IRAK2: variants seen among roughly 807,000 people sequenced by gnomAD.
IRAK2 encodes the protein interleukin 1 receptor associated kinase 2.
IRAK2 carries 57 observed loss-of-function variants against 72.0 expected under a neutral mutation model. The observed-to-expected ratio is 0.79, with a 90% CI of 0.64 to 0.99. IRAK2 has a LOEUF of 0.99. IRAK2 is among the 50% of genes least tolerant of loss of function. IRAK2 has a pLI of 0.00. For synonymous variants in IRAK2, 293 were observed against 312.7 expected (o/e 0.94, Z 0.67); for missense variants, 790 against 794.4 (o/e 0.99, Z 0.07).
At chr3:10,202,929 A>C (rs1697383759) in intron 3 of IRAK2, among the ~76,000 whole-genome samples, 1 of 151,818 alleles carries the variant, frequency 6.6e-6, no homozygotes, top group African/African-American at 2.4e-5. Flanking sequence ...GGATCAAGCG[A>C]TTCTCCCACC....
chr3:10,194,826 C>T (rs931464155), intron 2 of IRAK2, among the ~76,000 whole-genome samples: 2 of 152,148 alleles, frequency 1.3e-5, no homozygotes, highest in African/African-American at 4.8e-5. Context: ...AAACTCAAAG[C>T]TTGAGAAGAT....
intron 1 of IRAK2, among the ~76,000 whole-genome samples, chr3:10,166,389 AGAGGGCCATGGACTCTGCGGG>A (rs1696689565): frequency 6.6e-6 from 1 of 152,182 alleles, no homozygotes; most frequent in Admixed American, 6.6e-5. Context: ...TGACTGGCGG[AGAGGGCCATGGACTCTGCGGG>A]GAGGCCGCTT....
chr3:10,187,163 G>C (rs9849491), intron 2 of IRAK2, among the ~76,000 whole-genome samples: 45,527 of 151,244 alleles, frequency 0.3, 8,078 homozygotes, highest in Non-Finnish European at 0.39. Flanking sequence ...ACTATTTTCA[G>C]TCCCTCTATA....
intron 1 of IRAK2, among the ~76,000 whole-genome samples, chr3:10,175,798 G>C (rs1363196057): frequency 1.3e-5 from 2 of 148,274 alleles, no homozygotes; most frequent in African/African-American, 5.0e-5. Flanking sequence ...GCTGAGGCCG[G>C]AGAATGGCCT....
intron 1 of IRAK2, among the ~76,000 whole-genome samples, chr3:10,169,350 G>C (rs1696755033): frequency 6.6e-6 from 1 of 152,192 alleles, no homozygotes; most frequent in African/African-American, 2.4e-5. Flanking sequence ...TAGTAAGCCT[G>C]AGGGCACTGC....
chr3:10,166,896 G>C (rs2125137874), intron 1 of IRAK2, among the ~76,000 whole-genome samples: 1 of 152,262 alleles, frequency 6.6e-6, no homozygotes, highest in African/African-American at 2.4e-5. Flanking sequence ...TGGCCGCTTT[G>C]GCCTCCCAAA....
At chr3:10,237,705 G>C (rs1459312210) in intron 11 of IRAK2, among the ~76,000 whole-genome samples, 2 of 151,496 alleles carry the variant, frequency 1.3e-5, no homozygotes, top group Non-Finnish European at 2.9e-5. Context: ...TACTCAGAAG[G>C]CTGAGGCAGG....
intron 6 of IRAK2, among the ~76,000 whole-genome samples, chr3:10,216,587 A>C (rs1032303288): frequency 2.6e-5 from 4 of 152,308 alleles, no homozygotes; most frequent in Non-Finnish European, 1.5e-5. Flanking sequence ...AAAGAACCCC[A>C]GTCCTAGAGT....
At chr3:10,226,735 T>C (rs1697782367) in intron 10 of IRAK2, among the ~76,000 whole-genome samples, 2 of 151,692 alleles carry the variant, frequency 1.3e-5, no homozygotes, top group Non-Finnish European at 2.9e-5. Context: ...CTGGCCAACA[T>C]GGTGAAACCC....
chr3:10,192,689 C>T (rs1697195479), intron 2 of IRAK2, among the ~76,000 whole-genome samples: 2 of 152,224 alleles, frequency 1.3e-5, no homozygotes, highest in African/African-American at 2.4e-5. Context: ...GAGGCCAAGG[C>T]GGACGGATCA....
chr3:10,227,914 C>A (rs1331621263), intron 10 of IRAK2, among the ~76,000 whole-genome samples: 1 of 151,978 alleles, frequency 6.6e-6, no homozygotes, highest in Non-Finnish European at 1.5e-5. Context: ...CGTGATCCGC[C>A]CGCCTCGGCC....
intron 2 of IRAK2, among the ~76,000 whole-genome samples, chr3:10,191,468 C>G (rs1202111461): frequency 6.6e-6 from 1 of 152,138 alleles, no homozygotes. Flanking sequence ...CCTACAAGGC[C>G]CTGCATGGTC....
intron 2 of IRAK2, among the ~76,000 whole-genome samples, chr3:10,192,168 G>C (rs771294605): frequency 2.6e-5 from 4 of 152,192 alleles, no homozygotes; most frequent in African/African-American, 4.8e-5. Context: ...GATAGAGCCA[G>C]CTGGCACGAG....
chr3:10,202,835 G>A (rs1216586246), intron 3 of IRAK2, among the ~76,000 whole-genome samples: 4 of 151,832 alleles, frequency 2.6e-5, no homozygotes, highest in Non-Finnish European at 5.9e-5. Context: ...GGGACTACAG[G>A]TGTACATCAC....
intron 6 of IRAK2, among the ~76,000 whole-genome samples, chr3:10,213,946 T>C (rs1014225664): frequency 6.6e-6 from 1 of 152,130 alleles, no homozygotes; most frequent in African/African-American, 2.4e-5. Context: ...TTTTGTTTTT[T>C]GAGACAGAGT....
At chr3:10,209,900 T>C (rs1439424969) in intron 4 of IRAK2, among the ~76,000 whole-genome samples, 1 of 152,062 alleles carries the variant, frequency 6.6e-6, no homozygotes, top group African/African-American at 2.4e-5. Context: ...TCAGTGAATA[T>C]ACTTCTTGTT....
chr3:10,190,434 C>T (rs1468809590), intron 2 of IRAK2, among the ~76,000 whole-genome samples: 2 of 151,598 alleles, frequency 1.3e-5, no homozygotes, highest in Non-Finnish European at 2.9e-5. Context: ...GCGCCCACCA[C>T]CACGCCCAGC....
At chr3:10,196,317 G>A (rs1697264568) in intron 2 of IRAK2, among the ~76,000 whole-genome samples, 1 of 152,236 alleles carries the variant, frequency 6.6e-6, no homozygotes, top group Admixed American at 6.5e-5. Flanking sequence ...GTTTCGCCAT[G>A]TTGGCCAGGC....
At chr3:10,191,005 A>G (rs1420904726) in intron 2 of IRAK2, among the ~76,000 whole-genome samples, 2 of 152,130 alleles carry the variant, frequency 1.3e-5, no homozygotes, top group East Asian at 3.9e-4. Context: ...CTTAAAATCC[A>G]CTGGCTAGGC....
Sources: allele counts gnomAD v4.1 joint callset (sites outside exome capture counted in the v4.1 genomes callset), GRCh38; gene constraint gnomAD v4.1.1; transcripts MANE v1.5; gene names NCBI Gene and HGNC (gene_info 2026-07-23, HGNC 2026-07-21).